Variants in TENM4 observed in about 807,000 individuals in gnomAD.
The protein encoded by TENM4 is teneurin-4.
In TENM4, 82 loss-of-function variants were observed where a neutral mutation model predicts 243.3. The observed-to-expected ratio is 0.34, with a 90% CI of 0.28 to 0.40. The LOEUF (loss-of-function observed/expected upper bound fraction) is 0.40. Ranked by LOEUF, TENM4 falls within the 10% of genes least tolerant of loss-of-function variation. TENM4 has a pLI of 1.00. For synonymous variants in TENM4, 1,412 were observed against 1,456.3 expected (o/e 0.97, Z 0.69); for missense variants, 3,138 against 3,673.3 (o/e 0.85, Z 3.77).
At chr11:79,121,323 G>A (rs1302329813) in intron 4 of TENM4, among the ~76,000 whole-genome samples, 1 of 152,146 alleles carries the variant, frequency 6.6e-6, no homozygotes, top group Non-Finnish European at 1.5e-5. Flanking sequence ...GGAAAGGCAA[G>A]AGAGACCAGA....
chr11:78,872,530 C>T (rs1329121423), intron 9 of TENM4, among the ~76,000 whole-genome samples: 1 of 152,078 alleles, frequency 6.6e-6, no homozygotes, highest in Non-Finnish European at 1.5e-5. Flanking sequence ...TCTTTGTGGC[C>T]CTTGAGTCCA....
Position 78,670,262 on chromosome 11 carries a change from G to C in TENM4, c.6083C>G (p.Thr2028Ser), listed in dbSNP as rs1337892501. 1.2e-6 allele frequency: 2 copies of C among 1,613,962 alleles called. No individual in the cohort carries two copies. Among genetic ancestry groups the C allele is most frequent in the Non-Finnish European group, 1.7e-6 (2 of 1,179,882 alleles). ...CTCGTCATAGGTGAAACTGACCTTG[G>C]TGGTGTCATAGAGCGTCTCTGCCAG... is the stretch of plus-strand genomic sequence containing the variant. The part of the protein sequence containing the change: ...SKLAETLYDT[T>S]KVSFTYDETA... The change falls in exon 32 of 34, where the codon ACC (threonine) becomes AGC (serine). Residue 2028 changes from threonine (T) to serine (S), a missense_variant. Coordinates refer to ENST00000278550, the MANE Select transcript of TENM4 (RefSeq NM_001098816.3).
At chr11:78,684,891 G>C (rs1290203304) in intron 29 of TENM4, among the ~76,000 whole-genome samples, 1 of 152,214 alleles carries the variant, frequency 6.6e-6, no homozygotes, top group Admixed American at 6.5e-5. Context: ...GATTATATGT[G>C]CTCAGTAAAT....
At chr11:79,107,582 T>A (rs1861403870) in intron 4 of TENM4, among the ~76,000 whole-genome samples, 1 of 152,168 alleles carries the variant, frequency 6.6e-6, no homozygotes, top group African/African-American at 2.4e-5. Context: ...TTCAGCAGGG[T>A]TTGACCTTGT....
intron 1 of TENM4, among the ~76,000 whole-genome samples, chr11:79,316,602 G>A (rs942269595): frequency 2.0e-5 from 3 of 152,174 alleles, no homozygotes; most frequent in African/African-American, 7.2e-5. Flanking sequence ...CTTAAAACAA[G>A]TATTGCAGTG....
intron 6 of TENM4, among the ~76,000 whole-genome samples, chr11:78,949,690 A>C (rs920258020): frequency 1.3e-5 from 2 of 152,132 alleles, no homozygotes; most frequent in African/African-American, 4.8e-5. Context: ...GAAAGGGTGA[A>C]TTCTGGTAGG....
In TENM4 at chr11:79,435,230, G is replaced by A. The variant is rs1295476750; in HGVS notation, c.-321+5279C>T. On this transcript the variant is annotated intron_variant, in intron 1 of 33. Coordinates refer to ENST00000278550, the MANE Select transcript of TENM4 (RefSeq NM_001098816.3). ...TACTTTGGTCATTAGAATAAAGACT[G>A]TAAAAGAAAAAAAAAGTAATAAATA... Among the ~76,000 whole-genome samples the A allele has an allele frequency of 1.8e-4, 23 of 128,602 alleles. No individual in the cohort carries two copies. The Admixed American group carries it at 1.8e-3, about 10-fold the overall frequency. 84.4% of individuals were successfully genotyped at this position (128,602 alleles called of 152,430 possible).
intron 1 of TENM4, among the ~76,000 whole-genome samples, chr11:79,334,612 G>GA (rs1442935326): frequency 6.6e-6 from 1 of 151,934 alleles, no homozygotes; most frequent in Non-Finnish European, 1.5e-5. Context: ...CCATCCTCAG[G>GA]AAAAAACCCT....
At chr11:78,793,375 G>A (rs150879455) in intron 15 of TENM4, among the ~76,000 whole-genome samples, 7 of 152,234 alleles carry the variant, frequency 4.6e-5, no homozygotes, top group South Asian at 2.1e-4. Flanking sequence ...CTTGCTCCCC[G>A]GGACCTCCTG....
intron 1 of TENM4, among the ~76,000 whole-genome samples, chr11:79,340,485 T>C (rs115463583): frequency 1.5e-3 from 228 of 152,192 alleles, no homozygotes; most frequent in African/African-American, 5.3e-3. Context: ...TGGACTGGGC[T>C]AGGGTGGAAT....
chr11:78,746,930 G>A (rs1247625540), intron 19 of TENM4, among the ~76,000 whole-genome samples: 4 of 152,170 alleles, frequency 2.6e-5, no homozygotes, highest in Non-Finnish European at 5.9e-5. Flanking sequence ...CATGTGTCTC[G>A]CCTTCTGTCA....
rs577296735 is a variant in TENM4 at position 78,780,489 on chromosome 11, T to C, written c.2366-1861A>G. 2.6e-5 allele frequency among the ~76,000 whole-genome samples: 4 copies of C among 152,282 alleles called. No individual in the cohort carries two copies. The East Asian group carries it at 7.7e-4, about 29-fold the overall frequency. ...AGTTATAGAAGAGGTGTAGTGAGCC[T>C]AGATTTTTTTTTCCCAGGGATGGCT... On this transcript the variant is annotated intron_variant, in intron 16 of 33. Coordinates refer to ENST00000278550, the MANE Select transcript of TENM4 (RefSeq NM_001098816.3).
chr11:78,959,796 T>C (rs1591163671), intron 6 of TENM4, among the ~76,000 whole-genome samples: 1 of 152,280 alleles, frequency 6.6e-6, no homozygotes, highest in Middle Eastern at 3.4e-3. Context: ...ATGTCATCAA[T>C]TTGCCTTAGA....
At position 78,814,306 on chromosome 11, in the gene TENM4, CG is replaced by C. The variant is rs1565390513; in HGVS notation, c.1770del (p.Asp591ThrfsTer18). 1 of 1,550,006 alleles carries C rather than the reference CG, an allele frequency of 6.5e-7. No individual in the cohort carries two copies. The highest frequency in any genetic ancestry group is 8.7e-7 in the Non-Finnish European group (1 of 1,146,264). ...GCAGAGTTCTCACCTCTGCCACAGTCGGGGCCCAGGAAACCCAGGAAGCAGT... is the reference window on the plus strand; with the variant it reads ...GCAGAGTTCTCACCTCTGCCACAGTCGGGCCCAGGAAACCCAGGAAGCAGT... ...TCHCFLGFLG[P>X]DCGRASCPVL... is the part of the protein sequence containing the mutation. On this transcript the variant is annotated frameshift_variant, in exon 13 of 34. Transcript: ENST00000278550. LOFTEE classifies it high-confidence loss of function.
chr11:78,754,231 A>G (rs1313298538), intron 19 of TENM4, among the ~76,000 whole-genome samples: 2 of 152,216 alleles, frequency 1.3e-5, no homozygotes, highest in Admixed American at 1.3e-4. Flanking sequence ...CTGAAGACCA[A>G]GCTGGCCTCT....
At chr11:79,168,952 C>A (rs1862980849) in intron 3 of TENM4, among the ~76,000 whole-genome samples, 1 of 152,216 alleles carries the variant, frequency 6.6e-6, no homozygotes, top group Admixed American at 6.5e-5. Flanking sequence ...CTACCCCCAC[C>A]CACGCCATCT....
chr11:78,993,844 A>G (rs1858103459), intron 6 of TENM4, among the ~76,000 whole-genome samples: 1 of 152,142 alleles, frequency 6.6e-6, no homozygotes, highest in South Asian at 2.1e-4. Context: ...CCTGTAATCT[A>G]TGTTTCTACT....
intron 6 of TENM4, among the ~76,000 whole-genome samples, chr11:79,034,999 C>T (rs1337685094): frequency 1.3e-5 from 2 of 152,190 alleles, no homozygotes; most frequent in African/African-American, 4.8e-5. Context: ...CCTTGCAGAG[C>T]ACATCCCCTA....
chr11:78,962,971 T>A (rs966289550), intron 6 of TENM4, among the ~76,000 whole-genome samples: 2 of 152,272 alleles, frequency 1.3e-5, no homozygotes, highest in Admixed American at 1.3e-4. Flanking sequence ...GATTCTTAAA[T>A]TCTGACATTC....
Sources: allele counts gnomAD v4.1 joint callset (sites outside exome capture counted in the v4.1 genomes callset), GRCh38; gene constraint gnomAD v4.1.1; transcripts MANE v1.5; gene names NCBI Gene and HGNC (gene_info 2026-07-23, HGNC 2026-07-21).